The following LAMA2 variants were observed in gnomAD, a reference collection of about 807,000 sequenced individuals.
LAMA2 encodes the protein laminin subunit alpha-2.
A neutral mutation model predicts 364.8 loss-of-function variants in LAMA2; 269 were observed. The ratio of observed to expected loss-of-function variants is 0.74; its 90% CI spans 0.67 to 0.82. LAMA2 has a LOEUF of 0.82. Among genes scored for constraint, LAMA2 ranks in the 40% least tolerant of loss-of-function variants. The pLI, the probability that LAMA2 is intolerant of heterozygous loss-of-function variation, is 0.00. For synonymous variants in LAMA2, 1,379 were observed against 1,370.6 expected (o/e 1.01, Z -0.14); for missense variants, 3,807 against 3,873.2 (o/e 0.98, Z 0.45).
intron 1 of LAMA2, among the ~76,000 whole-genome samples, chr6:128,994,557 A>G (rs1404960672): frequency 1.3e-5 from 2 of 152,216 alleles, no homozygotes; most frequent in Admixed American, 1.3e-4. Flanking sequence ...TAAAGATTAA[A>G]TTGAATTTAA....
At chr6:129,350,914 A>C (rs1218835832) in intron 31 of LAMA2, among the ~76,000 whole-genome samples, 1 of 152,220 alleles carries the variant, frequency 6.6e-6, no homozygotes, top group African/African-American at 2.4e-5. Context: ...ATATATATAA[A>C]ACAGTGGATT....
rs370088275 is a variant in LAMA2, at chr6:129,364,415, C to A, written c.4718-1804C>A. ...TTCCCCTATTCTAACATGTATATAGCATTGATACCTCTATCTGCAGAATGT... is the reference window on the plus strand; with the variant it reads ...TTCCCCTATTCTAACATGTATATAGAATTGATACCTCTATCTGCAGAATGT... On this transcript the variant is annotated intron_variant, in intron 32 of 64. Transcript: ENST00000421865. Among the ~76,000 whole-genome samples, 66 of 152,282 alleles carry A rather than the reference C, an allele frequency of 4.3e-4. 1 individual carries two copies. In the South Asian group the frequency reaches 0.014, roughly 32 times the overall value.
chr6:129,134,801 A>C (rs1777686375), intron 4 of LAMA2, among the ~76,000 whole-genome samples: 1 of 152,114 alleles, frequency 6.6e-6, no homozygotes, highest in African/African-American at 2.4e-5. Context: ...ATGGCCCAGC[A>C]GTTGGGGACC....
chr6:128,962,721 G>C (rs904971089), intron 1 of LAMA2, among the ~76,000 whole-genome samples: 3 of 152,120 alleles, frequency 2.0e-5, no homozygotes, highest in Non-Finnish European at 4.4e-5. Flanking sequence ...GGACCTCTGG[G>C]TACTAAAGAA....
chr6:129,314,019 C>A (rs543923869), intron 23 of LAMA2, among the ~76,000 whole-genome samples: 9 of 152,304 alleles, frequency 5.9e-5, no homozygotes, highest in Middle Eastern at 6.8e-3. Context: ...GTTTAAGACT[C>A]AATGTTTTTA....
At chr6:129,427,366 T>TCATA (rs1781372755) in intron 40 of LAMA2, among the ~76,000 whole-genome samples, 1 of 152,216 alleles carries the variant, frequency 6.6e-6, no homozygotes, top group South Asian at 2.1e-4. Context: ...CTGTAGCACG[T>TCATA]CATAATGCTG....
chr6:129,042,780 G>A (rs1164022616), intron 1 of LAMA2, among the ~76,000 whole-genome samples: 1 of 152,074 alleles, frequency 6.6e-6, no homozygotes, highest in African/African-American at 2.4e-5. Context: ...ACTCTTTGGT[G>A]TAAACTTATA....
At chr6:128,915,737 G>A (rs1178987802) in intron 1 of LAMA2, among the ~76,000 whole-genome samples, 1 of 152,120 alleles carries the variant, frequency 6.6e-6, no homozygotes, top group African/African-American at 2.4e-5. Context: ...TTGGAATGAC[G>A]TTTATGCAAG....
At chr6:129,147,172 G>T (rs1240819237) in intron 6 of LAMA2, 124 bp downstream of exon 6, 1 of 730,744 alleles carries the variant, frequency 1.4e-6, no homozygotes, top group African/African-American at 1.7e-5. Context: ...CAGTGTAACA[G>T]AAATCCATGC....
At chr6:128,933,984 C>T (rs1052673162) in intron 1 of LAMA2, among the ~76,000 whole-genome samples, 3 of 152,124 alleles carry the variant, frequency 2.0e-5, no homozygotes, top group East Asian at 1.9e-4. Flanking sequence ...GCCTGTGCTT[C>T]GGGTGTCGTA....
At chr6:128,937,123 A>G (rs1045491712) in intron 1 of LAMA2, among the ~76,000 whole-genome samples, 1 of 152,232 alleles carries the variant, frequency 6.6e-6, no homozygotes, top group Non-Finnish European at 1.5e-5. Flanking sequence ...AACTGAAACC[A>G]TGGAAAGTGA....
At chr6:129,468,415 C>T (rs371870405) in intron 51 of LAMA2, among the ~76,000 whole-genome samples, 1 of 151,812 alleles carries the variant, frequency 6.6e-6, no homozygotes, top group Non-Finnish European at 1.5e-5. Flanking sequence ...CATGTCTTCT[C>T]ATATATCCAA....
At chr6:129,067,974 C>T (rs1281578864) in intron 3 of LAMA2, among the ~76,000 whole-genome samples, 1 of 152,178 alleles carries the variant, frequency 6.6e-6, no homozygotes, top group East Asian at 1.9e-4. Context: ...AAATATATCA[C>T]CATCTAACTT....
intron 1 of LAMA2, among the ~76,000 whole-genome samples, chr6:129,024,975 AG>A (rs1427576572): frequency 1.3e-5 from 2 of 152,114 alleles, no homozygotes; most frequent in Non-Finnish European, 2.9e-5. Context: ...AAAGAATCAA[AG>A]GCCTTAAGAA....
At chr6:129,374,808 C>T (rs1306195485) in intron 34 of LAMA2, among the ~76,000 whole-genome samples, 3 of 150,632 alleles carry the variant, frequency 2.0e-5, no homozygotes, top group Non-Finnish European at 2.9e-5. Flanking sequence ...TGGTCTCGAA[C>T]CCCTGACCTC....
At chr6:128,910,227 A>T (rs140260538) in intron 1 of LAMA2, among the ~76,000 whole-genome samples, 19,946 of 151,558 alleles carry the variant, frequency 0.13, 1,163 homozygotes, top group African/African-American at 0.25. Flanking sequence ...TATCCTGCAG[A>T]GTGTTTTCCA....
chr6:129,409,362 G>A (rs985149296), intron 40 of LAMA2, among the ~76,000 whole-genome samples: 19 of 152,332 alleles, frequency 1.2e-4, no homozygotes, highest in African/African-American at 4.6e-4. Context: ...AGGGTGGCAG[G>A]AGTGGAGGCC....
chr6:129,381,616 C>A (rs1778694977), intron 34 of LAMA2, among the ~76,000 whole-genome samples: 1 of 152,046 alleles, frequency 6.6e-6, no homozygotes, highest in Admixed American at 6.6e-5. Context: ...ACAACACTCA[C>A]CAGAAAAGCA....
chr6:129,080,468 C>G (rs1773970520), intron 3 of LAMA2, among the ~76,000 whole-genome samples: 1 of 152,138 alleles, frequency 6.6e-6, no homozygotes, highest in Non-Finnish European at 1.5e-5. Context: ...TTTCTAACTT[C>G]TCATATACAT....
Sources: gnomAD v4.1 joint callset for allele counts (sites outside exome capture counted in the v4.1 genomes callset) on GRCh38, gnomAD v4.1.1 for gene constraint, MANE v1.5 for transcripts, NCBI Gene and HGNC (gene_info 2026-07-23, HGNC 2026-07-21) for gene names.